The following PCDHA1 variants were observed in gnomAD, a reference collection of about 807,000 sequenced individuals.
PCDHA1 encodes the protein protocadherin alpha-1.
In PCDHA1, 42 loss-of-function variants were observed where a neutral mutation model predicts 61.3. The ratio of observed to expected loss-of-function variants is 0.69; its 90% CI spans 0.54 to 0.89. The LOEUF (loss-of-function observed/expected upper bound fraction) is 0.89, where lower values mean the gene tolerates loss of function less well. Ranked by LOEUF, PCDHA1 falls within the 40% of genes least tolerant of loss-of-function variation. The probability of loss-of-function intolerance (pLI) is 0.00; values close to 1 mark genes in which losing one functional copy is unlikely to be tolerated. For missense variants in PCDHA1, 1,256 were observed against 1,235.3 expected, an observed-to-expected ratio of 1.02 and a Z score of -0.25; for synonymous variants, 610 against 553.8, an observed-to-expected ratio of 1.10 and a Z score of -1.43.
At chr5:140,868,478 A>G (rs2050491329) in intron 1 of PCDHA1, 2 of 152,364 alleles carry the variant, frequency 1.3e-5, no homozygotes, top group African/African-American at 2.4e-5. Flanking sequence ...TAAAACTTCA[A>G]TTTTTTCTTT....
chr5:140,855,892 G>A, intron 1 of PCDHA1: 3 of 1,011,396 alleles, frequency 3.0e-6, no homozygotes, highest in Non-Finnish European at 4.3e-6. Context: ...TAGAACAAAG[G>A]CATCAGCCAG....
In PCDHA1 at chr5:140,829,286, T is replaced by C. The variant is rs2150165207; in HGVS notation, c.2394+40602T>C. 13 of 1,614,254 alleles carry C rather than the reference T, an allele frequency of 8.1e-6. No individual in the cohort carries two copies. The African/African-American group carries it at 1.3e-4, about 17-fold the overall frequency. ...GCCTCACGTCCCTTTCAAGCTGGTG[T>C]CCACCTTCAAGAATTACTACTCGTT... is the stretch of plus-strand genomic sequence containing the variant. On this transcript the variant is annotated intron_variant, in intron 1 of 3. Transcript: ENST00000504120.
intron 3 of PCDHA1, chr5:140,989,029 T>C (rs1179991724): frequency 6.6e-6 from 1 of 152,170 alleles, no homozygotes. Context: ...TCAGTTATCA[T>C]TGATTCCTTT....
chr5:140,794,429 A>T (rs1761856930), intron 1 of PCDHA1, among the ~76,000 whole-genome samples: 1 of 152,236 alleles, frequency 6.6e-6, no homozygotes, highest in Admixed American at 6.5e-5. Flanking sequence ...CGAAATATCT[A>T]AAGTAGTGAA....
intron 1 of PCDHA1, among the ~76,000 whole-genome samples, chr5:140,952,753 A>T (rs782624078): frequency 4.6e-5 from 7 of 152,194 alleles, no homozygotes; most frequent in Non-Finnish European, 1.0e-4. Context: ...CTATAAAAAC[A>T]CCTGAGACTG....
In PCDHA1 at chr5:140,850,260, G is replaced by T. The variant is rs2150476183; in HGVS notation, c.2394+61576G>T. On this transcript the variant is annotated intron_variant, in intron 1 of 3. Transcript: ENST00000504120. Reference sequence around the variant, plus strand: ...GGTGCTGCGGTCGGTGGGCGCCGGCGTAGTGGTGGGGAAGGTGCGCGCAGT... The same window carrying T: ...GGTGCTGCGGTCGGTGGGCGCCGGCTTAGTGGTGGGGAAGGTGCGCGCAGT... 1.2e-4 allele frequency: 186 copies of T among 1,594,256 alleles called. 15 individuals carry two copies. The highest frequency in any genetic ancestry group is 2.2e-4 in the Middle Eastern group (1 of 4,474).
intron 1 of PCDHA1, chr5:140,928,747 C>T (rs781895762): frequency 2.5e-6 from 4 of 1,614,132 alleles, no homozygotes; most frequent in African/African-American, 2.7e-5. Context: ...AGGTGAGCTC[C>T]GTACTGCTCG....
chr5:140,911,234 C>T (rs1554194655), intron 1 of PCDHA1, among the ~76,000 whole-genome samples: 1 of 151,890 alleles, frequency 6.6e-6, no homozygotes, highest in East Asian at 1.9e-4. Context: ...TTTCTTCTGG[C>T]AAAAAAAGTT....
chr5:140,862,618 C>A (rs532330556), intron 1 of PCDHA1: 10 of 526,556 alleles, frequency 1.9e-5, no homozygotes, highest in South Asian at 1.3e-4. Flanking sequence ...AGGTAACAAC[C>A]CGCGGGGCTG....
At chr5:140,929,322 C>T in intron 1 of PCDHA1, 1 of 1,540,684 alleles carries the variant, frequency 6.5e-7, no homozygotes, top group Non-Finnish European at 8.8e-7. Context: ...ATGTCAATGC[C>T]ATGGTAAGCA....
At chr5:140,860,807 G>C (rs907238053) in intron 1 of PCDHA1, 3 of 152,116 alleles carry the variant, frequency 2.0e-5, no homozygotes. Context: ...GCACGATCTC[G>C]GCTCACTGCA....
intron 1 of PCDHA1, chr5:140,883,112 A>T (rs141106500): frequency 1.9e-6 from 3 of 1,614,156 alleles, no homozygotes; most frequent in Non-Finnish European, 2.5e-6. Context: ...TTACTCATTT[A>T]GAAGGCCTGT....
chr5:140,870,005 T>A lies in PCDHA1; in HGVS notation c.2394+81321T>A, dbSNP rs1006397532. 1 of 1,612,940 alleles carries A rather than the reference T, an allele frequency of 6.2e-7. No individual in the cohort carries two copies. The highest frequency in any genetic ancestry group is 1.7e-5 in the Admixed American group (1 of 59,888). The stretch of plus-strand genomic sequence containing the variant: ...ACACTAGATCAAAATAATGGAGAAG[T>A]GAGGGTCAATGGAACTTTAGATTAT... On this transcript the variant is annotated intron_variant, in intron 1 of 3. Coordinates refer to ENST00000504120, the MANE Select transcript of PCDHA1 (RefSeq NM_018900.4).
At chr5:140,964,062 C>T (rs1257577051) in intron 1 of PCDHA1, among the ~76,000 whole-genome samples, 1 of 152,124 alleles carries the variant, frequency 6.6e-6, no homozygotes, top group Middle Eastern at 3.2e-3. Flanking sequence ...GTGGTCAAGG[C>T]ATTAGTGTTA....
At position 140,901,836 on chromosome 5, in the gene PCDHA1, G is replaced by A. The variant is rs183480993; in HGVS notation, c.2395-77113G>A. On this transcript the variant is annotated intron_variant, in intron 1 of 3. Coordinates refer to ENST00000504120, the MANE Select transcript of PCDHA1 (RefSeq NM_018900.4). The stretch of plus-strand genomic sequence containing the variant: ...ATTGATTCTTCCAGTCCATAAACAT[G>A]CAATATCTTTCCATTTTTTTGTGTC... 2.6e-3 allele frequency among the ~76,000 whole-genome samples: 395 copies of A among 152,228 alleles called. 2 individuals carry two copies. The highest frequency in any genetic ancestry group is 9.2e-3 in the African/African-American group (384 of 41,554).
intron 1 of PCDHA1, chr5:140,857,908 G>T (rs782073504): frequency 6.3e-7 from 1 of 1,597,722 alleles, no homozygotes; most frequent in South Asian, 1.1e-5. Flanking sequence ...CACGCATCCC[G>T]TTTCGCGTGG....
intron 1 of PCDHA1, among the ~76,000 whole-genome samples, chr5:140,888,210 T>C (rs1395913579): frequency 6.6e-6 from 1 of 152,082 alleles, no homozygotes; most frequent in East Asian, 1.9e-4. Flanking sequence ...ATGCTGGATT[T>C]TGTGTGTGTG....
intron 1 of PCDHA1, among the ~76,000 whole-genome samples, chr5:140,844,193 C>T (rs2150369320): frequency 6.7e-6 from 1 of 149,658 alleles, no homozygotes; most frequent in Admixed American, 6.7e-5. Flanking sequence ...TCTTATCTGA[C>T]TTTTTAGTGT....
intron 1 of PCDHA1, among the ~76,000 whole-genome samples, chr5:140,838,420 G>A (rs1431483628): frequency 6.6e-6 from 1 of 151,224 alleles, no homozygotes; most frequent in Non-Finnish European, 1.5e-5. Flanking sequence ...CACCGCATCC[G>A]GCCTAAATTA....
Sources: gnomAD v4.1 joint callset for allele counts (sites outside exome capture counted in the v4.1 genomes callset) on GRCh38, gnomAD v4.1.1 for gene constraint, MANE v1.5 for transcripts, NCBI Gene and HGNC (gene_info 2026-07-23, HGNC 2026-07-21) for gene names.